The following PALD1 variants were observed in gnomAD, a reference collection of about 807,000 sequenced individuals.
PALD1 encodes paladin.
PALD1 carries 57 observed loss-of-function variants against 96.0 expected under a neutral mutation model. That is an observed-to-expected ratio of 0.59 (90% CI 0.48 to 0.74). The LOEUF (loss-of-function observed/expected upper bound fraction) is 0.74, where lower values mean the gene tolerates loss of function less well. Among genes scored for constraint, PALD1 ranks in the 30% least tolerant of loss-of-function variants. PALD1 has a pLI of 0.00. For missense variants in PALD1, 1,063 were observed against 1,143.7 expected (o/e 0.93, Z 1.02); for synonymous variants, 464 against 473.6 (o/e 0.98, Z 0.26).
intron 18 of PALD1, among the ~76,000 whole-genome samples, chr10:70,552,826 C>T (rs1230928854): frequency 6.6e-6 from 1 of 152,210 alleles, no homozygotes; most frequent in Non-Finnish European, 1.5e-5. Flanking sequence ...AGGATCCAAA[C>T]AAGATCCACA....
Position 70,537,847 on chromosome 10 carries a change from C to A in PALD1, c.1264C>A (p.Leu422Met). ...GSRHSVWQRA[L>M]WSLERYFYLI... ...CCGACACAGCGTCTGGCAGAGGGCG[C>A]TGTGGAGCCTGGAGCGATACTTCTA... The change falls in exon 11 of 20, where the codon CTG becomes ATG. Residue 422 changes from leucine to methionine, a missense_variant. Leu to Met is a conservative substitution (Grantham distance 15, BLOSUM62 2). Transcript: ENST00000263563. The A allele has an allele frequency of 6.2e-7, 1 of 1,613,888 alleles. No individual in the cohort carries two copies. The highest frequency in any genetic ancestry group is 8.5e-7 in the Non-Finnish European group (1 of 1,179,868).
intron 1 of PALD1, among the ~76,000 whole-genome samples, chr10:70,492,517 C>T (rs1190354557): frequency 2.3e-5 from 3 of 129,080 alleles, no homozygotes; most frequent in Non-Finnish European, 3.1e-5. Flanking sequence ...AGTGCAGTGG[C>T]GCAATCTTGG....
rs191233313 is a variant in PALD1 at position 70,554,832 on chromosome 10, C to T, written c.2262+7386C>T. ...AGCCACACAGGGAGAAGGAAACATC[C>T]TCTGGTCTCAAAGCGAGATTTATTG... is the stretch of plus-strand genomic sequence containing the variant. On this transcript the variant is annotated intron_variant, in intron 18 of 19. Coordinates refer to ENST00000263563, the MANE Select transcript of PALD1 (RefSeq NM_014431.3). Among the ~76,000 whole-genome samples the T allele has an allele frequency of 4.1e-3, 609 of 148,418 alleles. 14 individuals carry two copies. The highest frequency in any genetic ancestry group is 1.3e-3 in the Non-Finnish European group (89 of 67,324).
At chr10:70,465,929 C>T in the PALD1 span, among the ~76,000 whole-genome samples, 2 of 152,200 alleles carry the variant, frequency 1.3e-5, no homozygotes, top group Non-Finnish European at 2.9e-5. Context: ...CAGGTACTCC[C>T]TCTCTGGCTC....
chr10:70,489,793 C>T (rs1846071193), intron 1 of PALD1, among the ~76,000 whole-genome samples: 1 of 152,178 alleles, frequency 6.6e-6, no homozygotes, highest in African/African-American at 2.4e-5. Flanking sequence ...AAAGATACCC[C>T]AGTACCCATT....
chr10:70,458,528 A>G, the PALD1 span, among the ~76,000 whole-genome samples: 1 of 152,196 alleles, frequency 6.6e-6, no homozygotes, highest in Non-Finnish European at 1.5e-5. Flanking sequence ...CGAAGAGCAG[A>G]CGGGCTGCGG....
At chr10:70,508,854 T>TGTGTGTGTGTGTGTGTGTGTGTGTGC (rs1406004914) in intron 1 of PALD1, among the ~76,000 whole-genome samples, 9 of 122,348 alleles carry the variant, frequency 7.4e-5, no homozygotes, top group Non-Finnish European at 7.4e-5. Flanking sequence ...TGTGTGTGTG[T>TGTGTGTGTGTGTGTGTGTGTGTGTGC]GTGCAGGCCT....
In PALD1 at chr10:70,503,298, G is replaced by A. The variant is rs552875970; in HGVS notation, c.-29-22625G>A. ...TTTTGGTCTGTTTTACTTTCAAAAT[G>A]TACTTGTTTTCCCATTTGTTTGAAA... On this transcript the variant is annotated intron_variant, in intron 1 of 19. Transcript: ENST00000263563. 4.6e-5 allele frequency among the ~76,000 whole-genome samples: 7 copies of A among 152,292 alleles called. No homozygotes were observed. In the East Asian group the frequency reaches 9.6e-4, roughly 21 times the overall value.
intron 1 of PALD1, among the ~76,000 whole-genome samples, chr10:70,481,092 G>T (rs910593127): frequency 3.9e-5 from 6 of 152,194 alleles, no homozygotes; most frequent in Non-Finnish European, 7.3e-5. Flanking sequence ...CAGACATATA[G>T]GTAGACCCAG....
intron 1 of PALD1, among the ~76,000 whole-genome samples, chr10:70,496,987 TA>T (rs1846205111): frequency 6.8e-6 from 1 of 147,510 alleles, no homozygotes. Context: ...GAGTTGGGGG[TA>T]GGGGGGCTTC....
chr10:70,530,301 C>T (rs1226089115), intron 4 of PALD1, among the ~76,000 whole-genome samples: 1 of 152,168 alleles, frequency 6.6e-6, no homozygotes, highest in Non-Finnish European at 1.5e-5. Context: ...AGGTCAGAAG[C>T]CTTCATAGAC....
At chr10:70,467,374 G>A in the PALD1 span, among the ~76,000 whole-genome samples, 1 of 151,658 alleles carries the variant, frequency 6.6e-6, no homozygotes, top group African/African-American at 2.4e-5. Flanking sequence ...TCCCCCGGGA[G>A]GAGGTACCTG....
At chr10:70,475,455 C>G (rs910708910), upstream of PALD1, among the ~76,000 whole-genome samples, 6 of 152,292 alleles carry the variant, frequency 3.9e-5, no homozygotes, top group African/African-American at 1.2e-4. Context: ...TGCACATGAT[C>G]CCTGTTCTTG....
intron 1 of PALD1, among the ~76,000 whole-genome samples, chr10:70,512,763 C>T (rs1846537901): frequency 6.6e-6 from 1 of 152,262 alleles, no homozygotes; most frequent in Admixed American, 6.5e-5. Flanking sequence ...TTGTAGCCCA[C>T]AAGAGGCCAG....
chr10:70,566,547 TG>T, intron 19 of PALD1, 33 bp from the exon 20 acceptor site: 1 of 1,567,006 alleles, frequency 6.4e-7, no homozygotes, highest in African/African-American at 1.4e-5. Context: ...CTCCCTCCCC[TG>T]AAACACTGCT....
intron 1 of PALD1, among the ~76,000 whole-genome samples, chr10:70,519,763 CG>C (rs1846692727): frequency 6.6e-6 from 1 of 151,864 alleles, no homozygotes; most frequent in African/African-American, 2.4e-5. Flanking sequence ...TTAGTAGAGA[CG>C]GGGTTTCGCC....
intron 17 of PALD1, among the ~76,000 whole-genome samples, chr10:70,543,509 T>C (rs1457627941): frequency 6.6e-6 from 1 of 152,218 alleles, no homozygotes; most frequent in Non-Finnish European, 1.5e-5. Context: ...TTATAGTTTT[T>C]AACTCTTAGG....
chr10:70,541,652 A>C, intron 17 of PALD1, 118 bp downstream of exon 17: 49 of 725,994 alleles, frequency 6.7e-5, no homozygotes, highest in Non-Finnish European at 7.9e-5. Context: ...CTGCCACCTC[A>C]TCATATCAGT....
intron 1 of PALD1, among the ~76,000 whole-genome samples, chr10:70,507,582 T>G (rs1178430629): frequency 6.6e-6 from 1 of 152,158 alleles, no homozygotes; most frequent in Non-Finnish European, 1.5e-5. Context: ...CCACCTTGCC[T>G]GGCTAATTTT....
Sources: allele counts gnomAD v4.1 joint callset (sites outside exome capture counted in the v4.1 genomes callset), GRCh38; gene constraint gnomAD v4.1.1; transcripts MANE v1.5; gene names NCBI Gene and HGNC (gene_info 2026-07-23, HGNC 2026-07-21).